The following DEAF1 variants were observed in gnomAD, a reference collection of about 807,000 sequenced individuals.
DEAF1 encodes deformed epidermal autoregulatory factor 1 homolog.
A neutral mutation model predicts 58.9 loss-of-function variants in DEAF1; 53 were observed. The ratio of observed to expected loss-of-function variants is 0.90; its 90% CI spans 0.72 to 1.13. The LOEUF is 1.13. Ranked by LOEUF, DEAF1 falls within the 50% of genes most tolerant of loss-of-function variation. The pLI is 0.00. For synonymous variants in DEAF1, 385 were observed against 340.4 expected (o/e 1.13, Z -1.44); for missense variants, 685 against 791.4 (o/e 0.87, Z 1.61).
At chr11:704,843 C>G in intron 1 of DEAF1, 3 of 370,954 alleles carry the variant, frequency 8.1e-6, no homozygotes, top group Non-Finnish European at 1.6e-5. Context: ...CCCCACCCCC[C>G]AGCTGTCCTC....
chr11:693,386 T>C (rs1860920377), intron 1 of DEAF1: 1 of 152,068 alleles, frequency 6.6e-6, no homozygotes, highest in Non-Finnish European at 1.5e-5. Flanking sequence ...CCCTTTGCCT[T>C]CGAGGGCCAC....
intron 1 of DEAF1, among the ~76,000 whole-genome samples, chr11:693,971 TG>T (rs1242874016): frequency 1.4e-5 from 2 of 144,964 alleles, no homozygotes; most frequent in Non-Finnish European, 3.2e-5. Context: ...GCAGCCCCCC[TG>T]GGCCACCACA....
At chr11:691,413 G>A (rs542820751) in intron 2 of DEAF1, 88 bp downstream of exon 2, 173 of 1,228,200 alleles carry the variant, frequency 1.4e-4, no homozygotes, top group Non-Finnish European at 1.8e-4. Context: ...TTCACACAGC[G>A]GGCTGAACCC....
intron 10 of DEAF1, among the ~76,000 whole-genome samples, chr11:668,528 A>T (rs1859659221): frequency 6.6e-6 from 1 of 151,922 alleles, no homozygotes; most frequent in Non-Finnish European, 1.5e-5. Flanking sequence ...CCGGCTAATG[A>T]AGGAAACATT....
At chr11:645,823 G>T (rs1229945534) in intron 11 of DEAF1, among the ~76,000 whole-genome samples, 1 of 152,162 alleles carries the variant, frequency 6.6e-6, no homozygotes, top group South Asian at 2.1e-4. Context: ...AAGCTGAGAC[G>T]GCCTCGTCAG....
At chr11:658,290 G>A (rs767295848) in intron 10 of DEAF1, among the ~76,000 whole-genome samples, 7 of 152,258 alleles carry the variant, frequency 4.6e-5, no homozygotes, top group South Asian at 4.2e-4. Flanking sequence ...TTAGCCAGGC[G>A]TGTTGGCGGG....
At chr11:703,268 A>G (rs1352826948) in intron 1 of DEAF1, 2 of 1,445,790 alleles carry the variant, frequency 1.4e-6, no homozygotes, top group Admixed American at 2.7e-5. Flanking sequence ...CTGGCCATAG[A>G]TGGTTTTGGA....
chr11:704,142 T>C (rs1861620755), intron 1 of DEAF1: 2 of 1,119,776 alleles, frequency 1.8e-6, no homozygotes, highest in Non-Finnish European at 2.2e-6. Context: ...CTCCTAATTA[T>C]GGCCACCTCC....
chr11:677,540 T>C (rs1860135093), intron 9 of DEAF1, among the ~76,000 whole-genome samples: 1 of 106,722 alleles, frequency 9.4e-6, no homozygotes, highest in Non-Finnish European at 2.2e-5. Context: ...AATGAAAAGG[T>C]AAGTTTTTCA....
chr11:680,944 T>G lies in DEAF1; in HGVS notation c.997+19A>C, dbSNP rs199794477. ...TCAGGTCCCCTCAGTAAACTAGAGC[T>G]GTGTTTTCTCAAACTCACAGGTGGT... On this transcript the variant is annotated intron_variant, in intron 7 of 11. Coordinates refer to ENST00000382409, the MANE Select transcript of DEAF1 (RefSeq NM_021008.4). The G allele has an allele frequency of 1.2e-6, 2 of 1,613,962 alleles. No individual in the cohort carries two copies. Among genetic ancestry groups the G allele is most frequent in the Non-Finnish European group, 1.7e-6 (2 of 1,180,010 alleles).
At chr11:653,814 C>T (rs1858910158) in intron 11 of DEAF1, 148 bp downstream of exon 11, 1 of 739,994 alleles carries the variant, frequency 1.4e-6, no homozygotes, top group Non-Finnish European at 2.4e-6. Flanking sequence ...CTTCACGGAG[C>T]CAGGCAGGAG....
chr11:660,979 G>A (rs1425880339), intron 10 of DEAF1, among the ~76,000 whole-genome samples: 1 of 152,134 alleles, frequency 6.6e-6, no homozygotes, highest in Non-Finnish European at 1.5e-5. Context: ...CACCATCCAG[G>A]CACAGCACAG....
intron 10 of DEAF1, among the ~76,000 whole-genome samples, chr11:668,508 C>G (rs939537038): frequency 1.3e-5 from 2 of 152,038 alleles, no homozygotes; most frequent in Non-Finnish European, 2.9e-5. Context: ...TACCCCTGGG[C>G]TCCAGTGATC....
intron 11 of DEAF1, among the ~76,000 whole-genome samples, chr11:648,970 G>A (rs796771687): frequency 2.0e-5 from 3 of 152,306 alleles, no homozygotes; most frequent in African/African-American, 7.2e-5. Context: ...ATGAGATTAG[G>A]TTTTGCGCAG....
intron 6 of DEAF1, 78 bp downstream of exon 6, chr11:684,820 A>G: frequency 8.0e-7 from 1 of 1,257,802 alleles, no homozygotes; most frequent in Non-Finnish European, 1.1e-6. Context: ...AACAGCCGAG[A>G]GGCCAAGGGC....
intron 1 of DEAF1, 52 bp downstream of exon 1, chr11:694,707 G>A (rs1263471502): frequency 1.7e-5 from 22 of 1,271,490 alleles, no homozygotes; most frequent in South Asian, 1.5e-4. Flanking sequence ...GCAGGCGCGC[G>A]GGGTAGGCGC....
At chr11:661,941 G>A (rs758136566) in intron 10 of DEAF1, among the ~76,000 whole-genome samples, 11 of 152,130 alleles carry the variant, frequency 7.2e-5, no homozygotes, top group African/African-American at 1.7e-4. Flanking sequence ...CCCACAGCCC[G>A]CGGGCTGCAT....
At chr11:699,142 C>T, upstream of DEAF1, 1 of 499,256 alleles carries the variant, frequency 2.0e-6, no homozygotes, top group South Asian at 3.5e-5. Flanking sequence ...AAGGCGATGG[C>T]CACCTGCCTC....
intron 5 of DEAF1, among the ~76,000 whole-genome samples, chr11:686,533 C>T (rs540465535): frequency 8.5e-5 from 13 of 152,268 alleles, no homozygotes; most frequent in African/African-American, 2.4e-4. Context: ...CAAACAGAAG[C>T]GATTATCTTA....
Sources: allele counts gnomAD v4.1 joint callset (sites outside exome capture counted in the v4.1 genomes callset), GRCh38; gene constraint gnomAD v4.1.1; transcripts MANE v1.5; gene names NCBI Gene and HGNC (gene_info 2026-07-23, HGNC 2026-07-21).